Variants in DSCAML1 observed in about 807,000 individuals in gnomAD.
DSCAML1 encodes the protein cell adhesion molecule DSCAML1.
DSCAML1 carries 38 observed loss-of-function variants against 200.5 expected under a neutral mutation model. The observed-to-expected ratio is 0.19, with a 90% CI of 0.15 to 0.25. The LOEUF (loss-of-function observed/expected upper bound fraction) is 0.25, where lower values mean the gene tolerates loss of function less well. DSCAML1 is among the 10% of genes least tolerant of loss of function. The probability of loss-of-function intolerance (pLI) is 1.00; values close to 1 mark genes in which losing one functional copy is unlikely to be tolerated. For synonymous variants in DSCAML1, 1,215 were observed against 1,165.0 expected, an observed-to-expected ratio of 1.04 and a Z score of -0.87; for missense variants, 2,223 against 2,858.8, an observed-to-expected ratio of 0.78 and a Z score of 5.07.
chr11:117,745,028 C>T (rs554528344), intron 3 of DSCAML1, among the ~76,000 whole-genome samples: 5 of 152,052 alleles, frequency 3.3e-5, no homozygotes, highest in Middle Eastern at 3.4e-3. Context: ...CAGCACACCT[C>T]CTGAGCGAAC....
intron 3 of DSCAML1, among the ~76,000 whole-genome samples, chr11:117,746,010 C>G (rs2054511831): frequency 6.6e-6 from 1 of 151,028 alleles, no homozygotes. Context: ...GTCAGGAGAT[C>G]GAGAACACCC....
In DSCAML1 at chr11:117,516,326, G is replaced by A; in HGVS notation, c.1783+141C>T. 3 of 1,103,986 alleles carry A rather than the reference G, an allele frequency of 2.7e-6. No homozygotes were observed. The African/African-American group carries it at 4.7e-5, about 17-fold the overall frequency. The allele number at this position is 1,103,986 out of a possible 1,614,324, so 68.4% of individuals were successfully genotyped here. Reference sequence around the variant, plus strand: ...TCTTCTGCCCTGCTCCCTTTTTTCTGAATGCCAAGCTGGGGCCTCTCTTGC... The same window carrying A: ...TCTTCTGCCCTGCTCCCTTTTTTCTAAATGCCAAGCTGGGGCCTCTCTTGC... On this transcript the variant is annotated intron_variant, in intron 8 of 32. Transcript: ENST00000651296. This position sits in a 1 kb window ranked among gnomAD's most constrained non-coding sequence, Gnocchi z 5.7.
At chr11:117,769,521 A>ATATATTT (rs2054996622) in intron 3 of DSCAML1, among the ~76,000 whole-genome samples, 2 of 68,818 alleles carry the variant, frequency 2.9e-5, no homozygotes, top group African/African-American at 1.9e-4. Context: ...TATATATATT[A>ATATATTT]TATATATTTT....
chr11:117,607,655 G>A (rs1162391324), intron 3 of DSCAML1, among the ~76,000 whole-genome samples: 1 of 152,180 alleles, frequency 6.6e-6, no homozygotes, highest in Non-Finnish European at 1.5e-5. Flanking sequence ...TAGGTGGAAG[G>A]GCCTGGCTCT....
intron 3 of DSCAML1, among the ~76,000 whole-genome samples, chr11:117,729,971 C>T (rs150848321): frequency 2.4e-4 from 36 of 152,250 alleles, no homozygotes; most frequent in East Asian, 3.9e-4. Context: ...GAGGCCAGGG[C>T]GGGTGGATCA....
At position 117,505,312 on chromosome 11, in the gene DSCAML1, A is replaced by C; in HGVS notation, c.2062+142T>G. ...TCGGTTTCCTGCCCTGGAAAATAAG[A>C]GGTTTAGGCTCCAACAGGCCCTTCA... is the stretch of plus-strand genomic sequence containing the variant. On this transcript the variant is annotated intron_variant, in intron 9 of 32. Coordinates refer to ENST00000651296, the MANE Select transcript of DSCAML1 (RefSeq NM_020693.4). This position sits in a 1 kb window ranked among gnomAD's most constrained non-coding sequence, Gnocchi z 6.7. 8.4e-7 allele frequency: 1 copy of C among 1,197,458 alleles called. No individual in the cohort carries two copies. Among genetic ancestry groups the C allele is most frequent in the Non-Finnish European group, 1.1e-6 (1 of 876,008 alleles). 74.2% of individuals were successfully genotyped at this position (1,197,458 alleles called of 1,614,324 possible).
intron 3 of DSCAML1, among the ~76,000 whole-genome samples, chr11:117,716,837 T>C (rs2053959885): frequency 6.6e-6 from 1 of 152,166 alleles, no homozygotes; most frequent in Non-Finnish European, 1.5e-5. Flanking sequence ...CCATGTATTG[T>C]CCACAGCTGC....
chr11:117,809,479 C>A (rs559109642), intron 1 of DSCAML1, among the ~76,000 whole-genome samples: 3 of 152,356 alleles, frequency 2.0e-5, no homozygotes, highest in Admixed American at 2.0e-4. Context: ...CTGGTGTCTG[C>A]CTCCCCCTAG....
At chr11:117,579,543 G>A (rs748384761) in intron 3 of DSCAML1, among the ~76,000 whole-genome samples, 3 of 152,164 alleles carry the variant, frequency 2.0e-5, no homozygotes, top group Non-Finnish European at 4.4e-5. Flanking sequence ...CTGCAGACAG[G>A]CCTTCCCTGA....
intron 3 of DSCAML1, among the ~76,000 whole-genome samples, chr11:117,662,960 G>T (rs2052886762): frequency 6.6e-6 from 1 of 152,134 alleles, no homozygotes; most frequent in Non-Finnish European, 1.5e-5. Context: ...AAACATCACG[G>T]GTTCTTCTGG....
chr11:117,539,071 GCACTCAGTA>G (rs1167114824), intron 3 of DSCAML1, among the ~76,000 whole-genome samples: 6 of 152,070 alleles, frequency 3.9e-5, no homozygotes, highest in Admixed American at 6.5e-5. Flanking sequence ...CATAAAACAG[GCACTCAGTA>G]CGTGTTTCCA....
At position 117,516,829 on chromosome 11, in the gene DSCAML1, TCTC is replaced by T. The variant is rs2049778286; in HGVS notation, c.1511-93_1511-91del. ...GCCAGGCACCACCCTGCGGTGCTCTTCTCAGGCACTCGGCCCCTGAGACTTTCG... is the reference window on the plus strand; with the variant it reads ...GCCAGGCACCACCCTGCGGTGCTCTTAGGCACTCGGCCCCTGAGACTTTCG... On this transcript the variant is annotated intron_variant, in intron 7 of 32. Transcript: ENST00000651296. This position sits in a 1 kb window ranked among gnomAD's most constrained non-coding sequence, Gnocchi z 5.7. 1.0e-5 allele frequency: 15 copies of T among 1,467,162 alleles called. No individual in the cohort carries two copies. Among genetic ancestry groups the T allele is most frequent in the Non-Finnish European group, 1.4e-5 (15 of 1,096,904 alleles). The allele number at this position is 1,467,162 out of a possible 1,614,324, so 90.9% of individuals were successfully genotyped here.
At chr11:117,520,777 C>G (rs113700414) in intron 6 of DSCAML1, among the ~76,000 whole-genome samples, 2,446 of 145,500 alleles carry the variant, frequency 0.017, 54 homozygotes, top group African/African-American at 0.055. Flanking sequence ...TAACCTTGGA[C>G]ATTAGCATGG....
chr11:117,506,925 C>T (rs2049510971), intron 8 of DSCAML1, among the ~76,000 whole-genome samples: 1 of 152,144 alleles, frequency 6.6e-6, no homozygotes, highest in African/African-American at 2.4e-5. Context: ...TTCTGCAGGA[C>T]AACCAGTTGG....
At chr11:117,618,596 T>C (rs1276743790) in intron 3 of DSCAML1, among the ~76,000 whole-genome samples, 1 of 152,198 alleles carries the variant, frequency 6.6e-6, no homozygotes, top group Non-Finnish European at 1.5e-5. Flanking sequence ...AAAAAAATTC[T>C]AGCCCTACAA....
chr11:117,613,116 C>T (rs2051730169), intron 3 of DSCAML1, among the ~76,000 whole-genome samples: 1 of 151,942 alleles, frequency 6.6e-6, no homozygotes, highest in African/African-American at 2.4e-5. Flanking sequence ...CATGCTCCCC[C>T]CACCCCACCT....
intron 2 of DSCAML1, among the ~76,000 whole-genome samples, chr11:117,778,763 C>G (rs187564022): frequency 9.1e-4 from 138 of 152,332 alleles, no homozygotes; most frequent in African/African-American, 3.2e-3. Context: ...TCCCCTTAGC[C>G]CAATCCTCCA....
chr11:117,614,046 C>T (rs948772577), intron 3 of DSCAML1, among the ~76,000 whole-genome samples: 2 of 152,056 alleles, frequency 1.3e-5, no homozygotes, highest in African/African-American at 4.8e-5. Context: ...TTTTCCTTTC[C>T]TGGAAAGGTG....
intron 16 of DSCAML1, among the ~76,000 whole-genome samples, chr11:117,467,388 C>T (rs1659570098): frequency 6.6e-6 from 1 of 152,144 alleles, no homozygotes. Flanking sequence ...CCCACCCCAG[C>T]GCATTTAAAA....
Sources: gnomAD v4.1 joint callset for allele counts (sites outside exome capture counted in the v4.1 genomes callset) on GRCh38, gnomAD v4.1.1 for gene constraint, Gnocchi (gnomAD v3.1) non-coding constraint, MANE v1.5 for transcripts, NCBI Gene and HGNC (gene_info 2026-07-23, HGNC 2026-07-21) for gene names.